Variants in RETREG3 observed in about 807,000 individuals in gnomAD.
RETREG3 encodes the protein reticulophagy regulator 3.
In RETREG3, 23 loss-of-function variants were observed where a neutral mutation model predicts 50.2. The observed-to-expected ratio is 0.46, with a 90% CI of 0.33 to 0.65. The LOEUF is 0.65. RETREG3 is among the 30% of genes least tolerant of loss of function. The pLI is 0.02. For synonymous variants in RETREG3, 240 were observed against 234.4 expected, an observed-to-expected ratio of 1.02 and a Z score of -0.22; for missense variants, 546 against 598.0, an observed-to-expected ratio of 0.91 and a Z score of 0.91.
chr17:42,608,901 G>C (rs2093173564), intron 1 of RETREG3, 185 bp downstream of exon 1: 2 of 601,016 alleles, frequency 3.3e-6, no homozygotes, highest in South Asian at 2.1e-5. Flanking sequence ...ATGGGTGGAC[G>C]GCCCTGGGAA....
At chr17:42,587,046 AC>A in intron 3 of RETREG3, 155 bp from the exon 4 acceptor site, 1 of 1,023,422 alleles carries the variant, frequency 9.8e-7, no homozygotes, top group Non-Finnish European at 1.4e-6. Context: ...TTCTTGGCTC[AC>A]CAGGTTGAAA....
At chr17:42,582,324 C>T in intron 8 of RETREG3, 54 bp from the exon 9 acceptor site, 1 of 1,521,552 alleles carries the variant, frequency 6.6e-7, no homozygotes, top group Non-Finnish European at 8.8e-7. Context: ...CCTCCTGTGC[C>T]CCAGCCCCAC....
At chr17:42,596,359 C>CAAAAAAAAAAAAAAAAAAAAAAAAAAAA (rs60457978) in intron 1 of RETREG3, among the ~76,000 whole-genome samples, 5 of 64,728 alleles carry the variant, frequency 7.7e-5, no homozygotes, top group African/African-American at 3.3e-4. Context: ...GACCCTTTCT[C>CAAAAAAAAAAAAAAAAAAAAAAAAAAAA]AAAAAAAAAA....
chr17:42,589,774 C>T (rs1267136106), intron 2 of RETREG3, among the ~76,000 whole-genome samples: 2 of 152,208 alleles, frequency 1.3e-5, no homozygotes, highest in East Asian at 3.8e-4. Flanking sequence ...CACAGCTCTC[C>T]AGGCCATCCA....
intron 6 of RETREG3, among the ~76,000 whole-genome samples, chr17:42,583,956 C>T (rs2093115719): frequency 6.6e-6 from 1 of 152,112 alleles, no homozygotes; most frequent in African/African-American, 2.4e-5. Flanking sequence ...TACAGGTGCT[C>T]ACCATCACAC....
In RETREG3 at chr17:42,581,559, C is replaced by T; in HGVS notation, c.*254G>A. ...CTGACTATTTTGTTCCCCCAAAGTACCATCCTGATGGAGAGAAGCCTCCCT... is the reference window on the plus strand; with the variant it reads ...CTGACTATTTTGTTCCCCCAAAGTATCATCCTGATGGAGAGAAGCCTCCCT... On this transcript the variant is annotated 3_prime_UTR_variant, in exon 9 of 9. Transcript: ENST00000309428. 1 of 456,798 alleles carries T rather than the reference C, an allele frequency of 2.2e-6. No homozygotes were observed. Among genetic ancestry groups the T allele is most frequent in the Non-Finnish European group, 3.9e-6 (1 of 257,452 alleles). 28.3% of individuals were successfully genotyped at this position (456,798 alleles called of 1,614,324 possible). A position where few individuals can be genotyped will look rare whatever the true frequency, so the allele number is the denominator to read the frequency against.
At position 42,582,154 on chromosome 17, in the gene RETREG3, G is replaced by A. The variant is rs368961190; in HGVS notation, c.1060C>T (p.Pro354Ser). 1 of 1,614,108 alleles carries A rather than the reference G, an allele frequency of 6.2e-7. No individual in the cohort carries two copies. The highest frequency in any genetic ancestry group is 8.5e-7 in the Non-Finnish European group (1 of 1,180,028). The part of the protein sequence containing the change: ...DDEDDTSIGM[P>S]SLMYRSPPGA... The stretch of plus-strand genomic sequence containing the variant: ...GGCGGAGAACGGTACATCAAGCTGG[G>A]CATGCCAATGCTAGTGTCGTCCTCA... Residue 354 changes from proline to serine, a missense_variant, in exon 9 of 9, where the codon CCC (proline) becomes TCC (serine). Pro to Ser is a moderately conservative substitution (Grantham distance 74). Transcript: ENST00000309428.
intron 1 of RETREG3, among the ~76,000 whole-genome samples, chr17:42,600,992 T>C (rs1206177429): frequency 2.6e-5 from 4 of 151,904 alleles, no homozygotes; most frequent in Non-Finnish European, 5.9e-5. Context: ...AAACAATGAA[T>C]GGGCCAGGCG....
intron 1 of RETREG3, among the ~76,000 whole-genome samples, chr17:42,597,601 A>G (rs796668480): frequency 0.069 from 725 of 10,550 alleles, 16 homozygotes; most frequent in African/African-American, 0.17. Context: ...ATATATATAT[A>G]TATATATATA....
Position 42,582,733 on chromosome 17 carries a change from G to A in RETREG3, c.884C>T (p.Thr295Ile). Residue 295 changes from threonine (T) to isoleucine (I), a missense_variant, in exon 8 of 9, where the codon ACA becomes ATA. Transcript: ENST00000309428. Reference protein sequence around the residue: ...SEHSDAEVSCTDNGTFNLSRG... With the variant: ...SEHSDAEVSCIDNGTFNLSRG... Reference sequence around the variant, plus strand: ...TGAAAGATTGAATGTGCCATTGTCTGTACAGGAGACTTCAGCGTCTGAGTG... The same window carrying A: ...TGAAAGATTGAATGTGCCATTGTCTATACAGGAGACTTCAGCGTCTGAGTG... 6.2e-7 allele frequency: 1 copy of A among 1,614,218 alleles called. No homozygotes were observed. Among genetic ancestry groups the A allele is most frequent in the Non-Finnish European group, 8.5e-7 (1 of 1,180,038 alleles).
chr17:42,595,934 T>G (rs2093143461), intron 1 of RETREG3, among the ~76,000 whole-genome samples: 1 of 151,592 alleles, frequency 6.6e-6, no homozygotes, highest in African/African-American at 2.4e-5. Context: ...AAAAATAGAT[T>G]GTGAGCCTAC....
intron 1 of RETREG3, among the ~76,000 whole-genome samples, chr17:42,599,868 C>A (rs1451022641): frequency 6.6e-6 from 1 of 151,652 alleles, no homozygotes; most frequent in Non-Finnish European, 1.5e-5. Context: ...GTGGCGGGCA[C>A]CTGTAATCCC....
intron 3 of RETREG3, 87 bp downstream of exon 3, chr17:42,587,747 C>T: frequency 6.6e-7 from 1 of 1,519,350 alleles, no homozygotes; most frequent in Non-Finnish European, 9.1e-7. Context: ...ACTGTGTGTC[C>T]AGAACATGGG....
At position 42,586,749 on chromosome 17, in the gene RETREG3, AAG is replaced by A. The variant is rs1401087141; in HGVS notation, c.504+14_504+15del. On this transcript the variant is annotated intron_variant, in intron 4 of 8. Transcript: ENST00000309428. ...TGAGAGGCCAGAGATGAAAGTGAAA[AAG>A]GGAAGAGTCTTACCTTGCCTGGGTT... is the stretch of plus-strand genomic sequence containing the variant. The A allele has an allele frequency of 1.2e-6, 2 of 1,612,024 alleles. No individual in the cohort carries two copies. Among genetic ancestry groups the A allele is most frequent in the Non-Finnish European group, 1.7e-6 (2 of 1,178,784 alleles).
intron 1 of RETREG3, among the ~76,000 whole-genome samples, chr17:42,595,709 C>T (rs1158835476): frequency 6.9e-6 from 1 of 145,176 alleles, no homozygotes; most frequent in Non-Finnish European, 1.5e-5. Flanking sequence ...CTCTTGGTCG[C>T]CCAGGCTGGA....
In RETREG3 at chr17:42,609,161, C is replaced by T. The variant is rs1308402371; in HGVS notation, c.164G>A (p.Arg55Gln). 6.2e-7 allele frequency: 1 copy of T among 1,610,408 alleles called. No individual in the cohort carries two copies. Among genetic ancestry groups the T allele is most frequent in the Admixed American group, 1.7e-5 (1 of 59,984 alleles). The part of the protein sequence containing the change: ...VLGPYEPLLS[R>Q]VQAALVWERP... Reference sequence around the variant, plus strand: ...CTCCCACACCAGGGCTGCCTGCACCCGACTCAGCAGAGGCTCGTAAGGCCC... The same window carrying T: ...CTCCCACACCAGGGCTGCCTGCACCTGACTCAGCAGAGGCTCGTAAGGCCC... Residue 55 changes from arginine to glutamine, a missense_variant, in exon 1 of 9, where the codon CGG becomes CAG. Arg to Gln is a conservative substitution (Grantham distance 43). Transcript: ENST00000309428.
intron 4 of RETREG3, 37 bp downstream of exon 4, chr17:42,586,728 A>G (rs2093122025): frequency 1.2e-6 from 2 of 1,607,536 alleles, no homozygotes; most frequent in Non-Finnish European, 1.7e-6. Context: ...CTGAACTGAG[A>G]GGCCAGAGAT....
chr17:42,598,613 TTCTC>T (rs993012060), intron 1 of RETREG3: 1 of 152,224 alleles, frequency 6.6e-6, no homozygotes, highest in Non-Finnish European at 1.5e-5. Flanking sequence ...TCTGAATGTC[TTCTC>T]TCTCTTACCA....
Position 42,597,545 on chromosome 17 carries a change from CGTATATATATTTT to C in RETREG3, c.240-5396_240-5384del, listed in dbSNP as rs2093148225. On this transcript the variant is annotated intron_variant, in intron 1 of 8. Transcript: ENST00000309428. ...TGTGTATATATATATATATATATTT[CGTATATATATTTT>C]TGTGTATATATATATTTTGTGTGTA... Among the ~76,000 whole-genome samples the C allele has an allele frequency of 4.6e-5, 4 of 87,666 alleles. No individual in the cohort carries two copies. In the South Asian group the frequency reaches 1.3e-3, roughly 29 times the overall value. The allele number at this position is 87,666 out of a possible 152,430, so 57.5% of individuals were successfully genotyped here.
Sources: allele counts gnomAD v4.1 joint callset (sites outside exome capture counted in the v4.1 genomes callset), GRCh38; gene constraint gnomAD v4.1.1; transcripts MANE v1.5; gene names NCBI Gene and HGNC (gene_info 2026-07-23, HGNC 2026-07-21).